The following UNC13C variants were observed in gnomAD, a reference collection of about 807,000 sequenced individuals.
UNC13C encodes the protein protein unc-13 homolog C.
UNC13C carries 174 observed loss-of-function variants against 245.4 expected under a neutral mutation model. The observed-to-expected ratio is 0.71, with a 90% CI of 0.63 to 0.80. UNC13C has a LOEUF of 0.80. UNC13C is among the 30% of genes least tolerant of loss of function. UNC13C has a pLI of 0.00. For synonymous variants in UNC13C, 992 were observed against 895.1 expected (o/e 1.11, Z -1.93); for missense variants, 2,829 against 2,602.9 (o/e 1.09, Z -1.89).
chr15:54,152,938 A>C (rs1156995049), intron 4 of UNC13C, among the ~76,000 whole-genome samples: 1 of 152,164 alleles, frequency 6.6e-6, no homozygotes, highest in Admixed American at 6.5e-5. Flanking sequence ...GGTATCTTTT[A>C]ATGAATGAAT....
intron 29 of UNC13C, among the ~76,000 whole-genome samples, chr15:54,556,277 C>G (rs1481199451): frequency 6.6e-6 from 1 of 152,096 alleles, no homozygotes; most frequent in Non-Finnish European, 1.5e-5. Flanking sequence ...TAGCTACTAA[C>G]TATACTGTAA....
At chr15:54,442,656 G>T (rs925355753) in intron 19 of UNC13C, among the ~76,000 whole-genome samples, 1 of 151,982 alleles carries the variant, frequency 6.6e-6, no homozygotes, top group Non-Finnish European at 1.5e-5. Flanking sequence ...TATCATGAAA[G>T]GATGCTTTTT....
chr15:54,360,884 A>C (rs1039148873), intron 17 of UNC13C, among the ~76,000 whole-genome samples: 1 of 152,078 alleles, frequency 6.6e-6, no homozygotes, highest in African/African-American at 2.4e-5. Flanking sequence ...TTGCTGTTTT[A>C]AGTATTCTTT....
chr15:53,884,492 T>C, the UNC13C span, among the ~76,000 whole-genome samples: 23 of 152,216 alleles, frequency 1.5e-4, no homozygotes, highest in Non-Finnish European at 3.2e-4. Flanking sequence ...CGTGCCCAGC[T>C]AATTTTTTGT....
chr15:54,020,846 G>A (rs2141003434), intron 2 of UNC13C, among the ~76,000 whole-genome samples: 1 of 151,910 alleles, frequency 6.6e-6, no homozygotes, highest in East Asian at 1.9e-4. Context: ...CTGACAACTT[G>A]GGGCTTTTTT....
chr15:54,204,442 G>T (rs992852244), intron 4 of UNC13C, among the ~76,000 whole-genome samples: 3 of 151,722 alleles, frequency 2.0e-5, no homozygotes, highest in African/African-American at 7.2e-5. Context: ...GATTGTGGTT[G>T]ATATTTATGC....
intron 18 of UNC13C, among the ~76,000 whole-genome samples, chr15:54,398,953 C>A (rs1429424101): frequency 1.3e-5 from 2 of 151,462 alleles, no homozygotes; most frequent in East Asian, 1.9e-4. Context: ...TAATTTTTTT[C>A]TCATTCCTTT....
chr15:53,967,208 G>T, the UNC13C span, among the ~76,000 whole-genome samples: 3 of 151,956 alleles, frequency 2.0e-5, no homozygotes, highest in African/African-American at 7.2e-5. Context: ...CATTTTCTGA[G>T]GGGATATCAT....
intron 30 of UNC13C, 108 bp downstream of exon 30, chr15:54,568,055 A>G: frequency 3.7e-6 from 3 of 818,464 alleles, no homozygotes; most frequent in South Asian, 9.2e-5. Context: ...TTGTGAATTG[A>G]AGTATCATTA....
At chr15:54,239,665 T>C (rs982489156) in intron 7 of UNC13C, among the ~76,000 whole-genome samples, 1 of 152,180 alleles carries the variant, frequency 6.6e-6, no homozygotes, top group Non-Finnish European at 1.5e-5. Context: ...TTGCCCAGGC[T>C]GGTCTCAAAC....
At chr15:54,080,543 T>A (rs183989487) in intron 2 of UNC13C, among the ~76,000 whole-genome samples, 2 of 152,198 alleles carry the variant, frequency 1.3e-5, no homozygotes, top group East Asian at 3.9e-4. Context: ...ACTGTTTTAA[T>A]CTTGGGAAGT....
At chr15:54,604,357 C>T (rs975062510) in intron 30 of UNC13C, among the ~76,000 whole-genome samples, 1 of 151,144 alleles carries the variant, frequency 6.6e-6, no homozygotes, top group Non-Finnish European at 1.5e-5. Flanking sequence ...AGAAACACAA[C>T]GAAGTTTGAA....
At chr15:54,090,696 A>G (rs960308410) in intron 2 of UNC13C, among the ~76,000 whole-genome samples, 1 of 152,162 alleles carries the variant, frequency 6.6e-6, no homozygotes, top group Non-Finnish European at 1.5e-5. Flanking sequence ...CCCTTTTTCC[A>G]TCTGAATGTC....
chr15:54,251,324 T>A (rs1217924500), intron 8 of UNC13C, among the ~76,000 whole-genome samples: 1 of 152,184 alleles, frequency 6.6e-6, no homozygotes, highest in Non-Finnish European at 1.5e-5. Context: ...ATATTTTAAC[T>A]TCTTGAGGCT....
At chr15:54,236,893 A>G (rs553213588) in intron 6 of UNC13C, among the ~76,000 whole-genome samples, 49 of 152,328 alleles carry the variant, frequency 3.2e-4, no homozygotes, top group Admixed American at 1.3e-3. Context: ...CTAATGGGAT[A>G]ACAGTTTTAC....
At chr15:54,059,962 T>G (rs1009366370) in intron 2 of UNC13C, among the ~76,000 whole-genome samples, 1 of 152,130 alleles carries the variant, frequency 6.6e-6, no homozygotes, top group Admixed American at 6.6e-5. Context: ...ATACAAAAAT[T>G]AATTCAAGAT....
At chr15:54,573,532 A>C (rs2681968) in intron 30 of UNC13C, among the ~76,000 whole-genome samples, 4,259 of 152,314 alleles carry the variant, frequency 0.028, 236 homozygotes, top group African/African-American at 0.096. Context: ...ATATTAAAAC[A>C]CCATCTTATT....
intron 4 of UNC13C, among the ~76,000 whole-genome samples, chr15:54,185,996 A>T (rs1479427520): frequency 6.6e-6 from 1 of 151,394 alleles, no homozygotes; most frequent in Non-Finnish European, 1.5e-5. Flanking sequence ...ATCCCTTGTA[A>T]GTTGGATTCC....
intron 2 of UNC13C, among the ~76,000 whole-genome samples, chr15:54,027,785 C>CT (rs754006574): frequency 4.3e-3 from 600 of 140,800 alleles, no homozygotes; most frequent in East Asian, 5.6e-3. Flanking sequence ...TGCACATTTC[C>CT]TTTTTTTTTT....
Sources: gnomAD v4.1 joint callset for allele counts (sites outside exome capture counted in the v4.1 genomes callset) on GRCh38, gnomAD v4.1.1 for gene constraint, MANE v1.5 for transcripts, NCBI Gene and HGNC (gene_info 2026-07-23, HGNC 2026-07-21) for gene names.